Variants in DEPDC1B observed in about 807,000 individuals in gnomAD.
DEPDC1B encodes the protein DEP domain containing 1B.
In DEPDC1B, 51 loss-of-function variants were observed where a neutral mutation model predicts 66.5. The ratio of observed to expected loss-of-function variants is 0.77; its 90% CI spans 0.61 to 0.97. The LOEUF (loss-of-function observed/expected upper bound fraction) is 0.97. Ranked by LOEUF, DEPDC1B falls within the 50% of genes least tolerant of loss-of-function variation. The probability of loss-of-function intolerance (pLI) is 0.00; values close to 1 mark genes in which losing one functional copy is unlikely to be tolerated. For synonymous variants in DEPDC1B, 226 were observed against 223.6 expected, an observed-to-expected ratio of 1.01 and a Z score of -0.10; for missense variants, 552 against 637.1, an observed-to-expected ratio of 0.87 and a Z score of 1.44.
At chr5:60,603,826 C>CATACATATAT (rs71606641) in intron 8 of DEPDC1B, among the ~76,000 whole-genome samples, 8 of 146,086 alleles carry the variant, frequency 5.5e-5, no homozygotes, top group Non-Finnish European at 1.0e-4. Context: ...TTTAAATATA[C>CATACATATAT]ATATATATAT....
chr5:60,644,663 G>T, intron 5 of DEPDC1B, 82 bp downstream of exon 5: 1 of 1,193,804 alleles, frequency 8.4e-7, no homozygotes, highest in Non-Finnish European at 1.1e-6. Flanking sequence ...CAGGGTTTAG[G>T]GAAGGGTCAG....
At chr5:60,699,845 C>T (rs965875804) in intron 1 of DEPDC1B, among the ~76,000 whole-genome samples, 14 of 152,358 alleles carry the variant, frequency 9.2e-5, no homozygotes, top group African/African-American at 3.4e-4. Flanking sequence ...CACTAACCCC[C>T]GGCCGGCTGA....
chr5:60,693,260 G>A (rs916413233), intron 1 of DEPDC1B, among the ~76,000 whole-genome samples: 2 of 152,140 alleles, frequency 1.3e-5, no homozygotes, highest in African/African-American at 4.8e-5. Flanking sequence ...GTTGGTTGGG[G>A]TGGTAAACTG....
intron 7 of DEPDC1B, among the ~76,000 whole-genome samples, chr5:60,625,464 A>G (rs756138029): frequency 6.6e-6 from 1 of 152,138 alleles, no homozygotes; most frequent in African/African-American, 2.4e-5. Flanking sequence ...TATTGGTTAG[A>G]AGCAAGTAAC....
At chr5:60,617,331 A>G (rs935763692) in intron 7 of DEPDC1B, among the ~76,000 whole-genome samples, 2 of 152,190 alleles carry the variant, frequency 1.3e-5, no homozygotes, top group African/African-American at 2.4e-5. Context: ...CAATTAAAAG[A>G]CCCAAACTGG....
chr5:60,670,274 C>T (rs759476771), intron 2 of DEPDC1B, among the ~76,000 whole-genome samples: 3 of 152,120 alleles, frequency 2.0e-5, no homozygotes, highest in Admixed American at 6.5e-5. Context: ...GTCCCAGCTA[C>T]TATGAGGCTA....
intron 1 of DEPDC1B, among the ~76,000 whole-genome samples, chr5:60,694,866 T>G (rs886712613): frequency 5.9e-5 from 9 of 152,204 alleles, no homozygotes; most frequent in African/African-American, 2.2e-4. Flanking sequence ...TAAACCTTTT[T>G]GTTATATGTT....
Position 60,600,443 on chromosome 5 carries a change from C to T in DEPDC1B, c.1243-1183G>A, listed in dbSNP as rs552402884. ...CTAATAATGTATCCCAGGGTCAGCC[C>T]TGAAACTGTCCTAAAACAATCACTG... On this transcript the variant is annotated intron_variant, in intron 9 of 10. Coordinates refer to ENST00000265036, the MANE Select transcript of DEPDC1B (RefSeq NM_018369.3). Among the ~76,000 whole-genome samples the T allele has an allele frequency of 1.4e-4, 22 of 152,270 alleles. No homozygotes were observed. In the South Asian group the frequency reaches 4.6e-3, roughly 32 times the overall value.
intron 6 of DEPDC1B, 81 bp downstream of exon 6, chr5:60,642,707 TCACAGGTGTCACATCAATGTTCAG>T: frequency 1.3e-6 from 1 of 751,480 alleles, no homozygotes. Flanking sequence ...ACTGCCAGTC[TCACAGGTGTCACATCAATGTTCAG>T]GCCATTGAGC....
chr5:60,629,337 T>A (rs989008501), intron 7 of DEPDC1B, among the ~76,000 whole-genome samples: 38 of 152,224 alleles, frequency 2.5e-4, no homozygotes, highest in African/African-American at 9.2e-4. Context: ...ATATACTGAT[T>A]TCATTTTCTT....
rs1561383703 is a variant in DEPDC1B at position 60,667,546 on chromosome 5, ATGGATATTTTACATATATAAAAAAG to A, written c.314+19391_314+19415del. ...TGGATATTTTACATATATATAAAAA[ATGGATATTTTACATATATAAAAAAG>A]TGGATATTTTACATATATAAAAATG... On this transcript the variant is annotated intron_variant, in intron 2 of 10. Transcript: ENST00000265036. Among the ~76,000 whole-genome samples, 4 of 145,728 alleles carry A rather than the reference ATGGATATTTTACATATATAAAAAAG, an allele frequency of 2.7e-5. No homozygotes were observed. In the East Asian group the frequency reaches 8.4e-4, roughly 30 times the overall value.
chr5:60,607,292 G>T lies in DEPDC1B; in HGVS notation c.899-1436C>A, dbSNP rs533040932. 3.9e-5 allele frequency among the ~76,000 whole-genome samples: 6 copies of T among 152,266 alleles called. No individual in the cohort carries two copies. The East Asian group carries it at 7.7e-4, about 20-fold the overall frequency. On this transcript the variant is annotated intron_variant, in intron 7 of 10. Coordinates refer to ENST00000265036, the MANE Select transcript of DEPDC1B (RefSeq NM_018369.3). ...CCAAAGGCAGTGGATGTGCATGGAC[G>T]GGAAAGGAGGGCAGAAGACAGATCT...
intron 3 of DEPDC1B, among the ~76,000 whole-genome samples, chr5:60,647,081 G>A (rs538315968): frequency 1.2e-4 from 18 of 151,834 alleles, no homozygotes; most frequent in Non-Finnish European, 1.9e-4. Flanking sequence ...GAATCATCCC[G>A]AAACCACCCC....
chr5:60,614,833 A>C (rs1752503962), intron 7 of DEPDC1B, among the ~76,000 whole-genome samples: 1 of 152,016 alleles, frequency 6.6e-6, no homozygotes, highest in South Asian at 2.1e-4. Context: ...TCTACTAAAA[A>C]TACAAAACAT....
At chr5:60,616,817 C>G (rs571177438) in intron 7 of DEPDC1B, among the ~76,000 whole-genome samples, 1 of 152,250 alleles carries the variant, frequency 6.6e-6, no homozygotes, top group South Asian at 2.1e-4. Context: ...AGAAGAGCAA[C>G]TCCAAGACAC....
In DEPDC1B at chr5:60,644,786, CTA is replaced by C. The variant is rs1561372482; in HGVS notation, c.666_667del (p.Tyr222Ter). On this transcript the variant is annotated stop_gained and frameshift_variant, in exon 5 of 11. Transcript: ENST00000265036. LOFTEE classifies it high-confidence loss of function. ...AATAACAACTCCCTGCTTGCTAACA[CTA>C]TATACATTATGGATGATGAACTTCG... 1.2e-6 allele frequency: 2 copies of C among 1,610,060 alleles called. No homozygotes were observed. Among genetic ancestry groups the C allele is most frequent in the African/African-American group, 2.7e-5 (2 of 74,764 alleles).
chr5:60,605,935 A>T (rs1752300633), intron 7 of DEPDC1B, 79 bp from the exon 8 acceptor site: 2 of 1,200,312 alleles, frequency 1.7e-6, no homozygotes, highest in Admixed American at 5.3e-5. Flanking sequence ...TTAACAAAAT[A>T]TATATTAGTA....
rs771251682 is a variant in DEPDC1B at position 60,645,557 on chromosome 5, A to G, written c.513T>C (p.Leu171=). The change falls in exon 4 of 11, where the codon CTT becomes CTC. Residue 171 remains leucine (L), a synonymous_variant. Transcript: ENST00000265036. ...IAIGEVPACR[L]VHRRQLTEAN... is the part of the protein sequence containing the mutation. ...CCTCTGTCAGCTGTCTGCGGTGGAC[A>G]AGACGGCAAGCTGGCACCTCTCCAA... is the stretch of plus-strand genomic sequence containing the variant. 1 of 1,613,394 alleles carries G rather than the reference A, an allele frequency of 6.2e-7. No individual in the cohort carries two copies. The highest frequency in any genetic ancestry group is 1.7e-5 in the Admixed American group (1 of 59,942).
intron 2 of DEPDC1B, among the ~76,000 whole-genome samples, chr5:60,673,576 G>A (rs1272954591): frequency 6.6e-6 from 1 of 152,190 alleles, no homozygotes; most frequent in Non-Finnish European, 1.5e-5. Flanking sequence ...GCTTCCTTAT[G>A]TTCACAGGAA....
Sources: gnomAD v4.1 joint callset for allele counts (sites outside exome capture counted in the v4.1 genomes callset) on GRCh38, gnomAD v4.1.1 for gene constraint, MANE v1.5 for transcripts, NCBI Gene and HGNC (gene_info 2026-07-23, HGNC 2026-07-21) for gene names.